CCDC137: variants seen among roughly 807,000 people sequenced by gnomAD.
The protein encoded by CCDC137 is coiled-coil domain-containing protein 137.
In CCDC137, 24 loss-of-function variants were observed where a neutral mutation model predicts 30.4. That is an observed-to-expected ratio of 0.79 (90% CI 0.57 to 1.11). CCDC137 has a LOEUF of 1.11. CCDC137 is among the 50% of genes least tolerant of loss of function. The pLI, the probability that CCDC137 is intolerant of heterozygous loss-of-function variation, is 0.00. For missense variants in CCDC137, 417 were observed against 380.4 expected (o/e 1.10, Z -0.80); for synonymous variants, 182 against 155.7 (o/e 1.17, Z -1.26).
chr17:81,672,446 C>T, intron 5 of CCDC137, 49 bp from the exon 6 acceptor site: 1 of 1,509,970 alleles, frequency 6.6e-7, no homozygotes, highest in Non-Finnish European at 8.9e-7. Flanking sequence ...CTTTCTGTTG[C>T]ATCCCCTCCT....
chr17:81,669,628 C>G (rs1330209901), intron 2 of CCDC137, among the ~76,000 whole-genome samples: 1 of 151,570 alleles, frequency 6.6e-6, no homozygotes, highest in Non-Finnish European at 1.5e-5. Context: ...GGCGCAATCT[C>G]GGCTCACTGC....
intron 2 of CCDC137, chr17:81,669,895 G>T (rs1320095079): frequency 1.4e-5 from 4 of 288,068 alleles, no homozygotes; most frequent in Non-Finnish European, 2.7e-5. Context: ...GCTCCACTGG[G>T]CTTCTTTCGG....
rs765569757 is a variant in CCDC137, at chr17:81,667,839, G to C, written c.245G>C (p.Ser82Thr). ...CGCCAAGAGATGAAAAACCCGATCA[G>C]TAACAAGAAGAGGAAGAAAGCAGGT... is the stretch of plus-strand genomic sequence containing the variant. ...RSRQEMKNPI[S>T]NKKRKKAAQV... Residue 82 changes from serine to threonine, a missense_variant, in exon 2 of 6, where the codon AGT (serine) becomes ACT (threonine). By Grantham distance (58) the Ser-to-Thr change is moderately conservative. Transcript: ENST00000329214. 2 of 1,611,936 alleles carry C rather than the reference G, an allele frequency of 1.2e-6. No homozygotes were observed. The highest frequency in any genetic ancestry group is 1.7e-6 in the Non-Finnish European group (2 of 1,179,972).
chr17:81,671,657 G>A (rs751731153), intron 3 of CCDC137, 87 bp from the exon 4 acceptor site: 1 of 1,341,014 alleles, frequency 7.5e-7, no homozygotes, highest in South Asian at 1.2e-5. Context: ...TGCCACAGGG[G>A]ATCCCTTGTG....
chr17:81,670,823 C>T (rs554761369), intron 3 of CCDC137, among the ~76,000 whole-genome samples: 103 of 152,252 alleles, frequency 6.8e-4, no homozygotes, highest in Non-Finnish European at 1.3e-3. Flanking sequence ...AGAGACTACA[C>T]CTTCCTAATT....
chr17:81,670,247 A>G lies in CCDC137; in HGVS notation c.291A>G (p.Thr97=). ...KKAAQVTFRK[T]LEKEAKGEEP... is the part of the protein sequence containing the mutation. The stretch of plus-strand genomic sequence containing the variant: ...CAGCCCAGGTGACCTTCAGAAAGAC[A>G]TTGGAGAAGGAAGCAAAGGGAGAGG... The change falls in exon 3 of 6, where the codon ACA becomes ACG. Residue 97 remains threonine, a synonymous_variant. Coordinates refer to ENST00000329214, the MANE Select transcript of CCDC137 (RefSeq NM_199287.3). The G allele has an allele frequency of 1.2e-6, 2 of 1,613,942 alleles. No individual in the cohort carries two copies. The highest frequency in any genetic ancestry group is 1.7e-6 in the Non-Finnish European group (2 of 1,179,994).
At chr17:81,670,047 G>C (rs1349944645) in intron 2 of CCDC137, 178 bp from the exon 3 acceptor site, 1 of 601,174 alleles carries the variant, frequency 1.7e-6, no homozygotes, top group South Asian at 2.0e-5. Flanking sequence ...GGGCTGGGGG[G>C]TCACGTCCCC....
chr17:81,667,966 A>T, intron 2 of CCDC137, 104 bp downstream of exon 2: 1 of 1,386,832 alleles, frequency 7.2e-7, no homozygotes, highest in Non-Finnish European at 9.7e-7. Flanking sequence ...ATATGCCAAG[A>T]CCCGGTGCTC....
chr17:81,669,813 G>A (rs1463570657), intron 2 of CCDC137, among the ~76,000 whole-genome samples: 2 of 149,130 alleles, frequency 1.3e-5, no homozygotes, highest in African/African-American at 4.9e-5. Context: ...TGCCCATCTT[G>A]GCCTCCCAAA....
rs778907421 is a variant in CCDC137, at chr17:81,672,613, A to G, written c.779A>G (p.Gln260Arg). The change falls in exon 6 of 6, where the codon CAG becomes CGG. Residue 260 changes from glutamine to arginine, a missense_variant. Physicochemically the swap from Gln to Arg is conservative, Grantham distance 43. Transcript: ENST00000329214. Reference protein sequence around the residue: ...IVEEERERAVQAYRALKQRQQ... With the variant: ...IVEEERERAVRAYRALKQRQQ... ...GAGGAGGAGAGAGAGCGGGCCGTGC[A>G]GGCCTACAGAGCGTTGAAGCAGCGG... is the stretch of plus-strand genomic sequence containing the variant. The G allele has an allele frequency of 7.5e-6, 12 of 1,593,920 alleles. No homozygotes were observed. The highest frequency in any genetic ancestry group is 3.5e-5 in the Admixed American group (2 of 56,574).
Position 81,666,890 on chromosome 17 carries a change from G to A in CCDC137, c.124G>A (p.Gly42Arg). 3.9e-6 allele frequency: 5 copies of A among 1,281,072 alleles called. No individual in the cohort carries two copies. Among genetic ancestry groups the A allele is most frequent in the Non-Finnish European group, 4.9e-6 (5 of 1,012,784 alleles). The allele number at this position is 1,281,072 out of a possible 1,614,324, so 79.4% of individuals were successfully genotyped here. A position where few individuals can be genotyped will look rare whatever the true frequency, so the allele number is the denominator to read the frequency against. ...GAAGCAGCGCCCAGCCCCGTGGCCC[G>A]GGCTTCGCAGGTGACTGCGCTGCCC... ...LGKQRPAPWPGLRSKEKKKVN... is the reference protein window; with the variant it reads ...LGKQRPAPWPRLRSKEKKKVN... Residue 42 changes from glycine to arginine, a missense_variant, in exon 1 of 6, where the codon GGG becomes AGG. Coordinates refer to ENST00000329214, the MANE Select transcript of CCDC137 (RefSeq NM_199287.3).
chr17:81,673,401 A>G lies in CCDC137; in HGVS notation c.*697A>G, dbSNP rs914117181. 3 of 152,160 alleles carry G rather than the reference A, an allele frequency of 2.0e-5. No individual in the cohort carries two copies. Among genetic ancestry groups the G allele is most frequent in the African/African-American group, 7.2e-5 (3 of 41,430 alleles). 9.4% of individuals were successfully genotyped at this position (152,160 alleles called of 1,614,324 possible). ...ATCTCTACTAAAAATACACGAAGAA[A>G]AAAAAAACAGTGGGAACAGAGTTGT... On this transcript the variant is annotated 3_prime_UTR_variant, in exon 6 of 6. Transcript: ENST00000329214.
Position 81,672,646 on chromosome 17 carries a change from A to T in CCDC137, c.812A>T (p.Gln271Leu). 6.2e-7 allele frequency: 1 copy of T among 1,601,556 alleles called. No individual in the cohort carries two copies. The highest frequency in any genetic ancestry group is 8.5e-7 in the Non-Finnish European group (1 of 1,175,138). Residue 271 changes from glutamine to leucine, a missense_variant, in exon 6 of 6, where the codon CAG becomes CTG. Transcript: ENST00000329214. ...AGAGCGTTGAAGCAGCGGCAGCAGC[A>T]GCTGCACGGGGAGCGACCCCACCTC... ...AYRALKQRQQQLHGERPHLTS... is the reference protein window; with the variant it reads ...AYRALKQRQQLLHGERPHLTS...
At position 81,673,618 on chromosome 17, in the gene CCDC137, T is replaced by C. The variant is rs1296343901; in HGVS notation, c.*914T>C. On this transcript the variant is annotated 3_prime_UTR_variant, in exon 6 of 6. Transcript: ENST00000329214. Reference sequence around the variant, plus strand: ...TGCCCAGGCTGTCAGCATTTCCAGATGAGAGCAGAAGGGAGAAGCTTAAAC... The same window carrying C: ...TGCCCAGGCTGTCAGCATTTCCAGACGAGAGCAGAAGGGAGAAGCTTAAAC... 6.6e-6 allele frequency: 1 copy of C among 152,194 alleles called. No individual in the cohort carries two copies. Among genetic ancestry groups the C allele is most frequent in the Non-Finnish European group, 1.5e-5 (1 of 68,072 alleles). 9.4% of individuals were successfully genotyped at this position (152,194 alleles called of 1,614,324 possible).
In CCDC137 at chr17:81,672,742, A is replaced by T. The variant is rs1263779896; in HGVS notation, c.*38A>T. Reference sequence around the variant, plus strand: ...CGGGGCCTGGCCACGCTCTGGGGCAACTGGCACCAGGAGCTGCTACACCTG... The same window carrying T: ...CGGGGCCTGGCCACGCTCTGGGGCATCTGGCACCAGGAGCTGCTACACCTG... On this transcript the variant is annotated 3_prime_UTR_variant, in exon 6 of 6. Coordinates refer to ENST00000329214, the MANE Select transcript of CCDC137 (RefSeq NM_199287.3). 3 of 1,508,056 alleles carry T rather than the reference A, an allele frequency of 2.0e-6. No homozygotes were observed. The highest frequency in any genetic ancestry group is 4.9e-5 in the East Asian group (2 of 40,810). The allele number at this position is 1,508,056 out of a possible 1,614,324, so 93.4% of individuals were successfully genotyped here. A position where few individuals can be genotyped will look rare whatever the true frequency, so the allele number is the denominator to read the frequency against.
Position 81,672,586 on chromosome 17 carries a change from TGGA to T in CCDC137, c.760_762del (p.Glu254del), listed in dbSNP as rs34191669. 5,858 of 1,584,250 alleles carry T rather than the reference TGGA, an allele frequency of 3.7e-3. 184 individuals are homozygous for T. The African/African-American group carries it at 0.067, about 18-fold the overall frequency. ...GCCTCCCTGGCCCGCCAGCGGATTG[TGGA>T]GGAGGAGAGAGAGCGGGCCGTGCAG... On this transcript the variant is annotated inframe_deletion, in exon 6 of 6. Transcript: ENST00000329214.
chr17:81,667,901 T>A (rs1360813067), intron 2 of CCDC137, 39 bp downstream of exon 2: 1 of 1,602,214 alleles, frequency 6.2e-7, no homozygotes, highest in Admixed American at 1.7e-5. Flanking sequence ...TGAAGCTTTG[T>A]GTGTCTCAAC....
rs3208093 is a variant in CCDC137 at position 81,673,761 on chromosome 17, A to G, written c.*1057A>G. On this transcript the variant is annotated 3_prime_UTR_variant, in exon 6 of 6. Coordinates refer to ENST00000329214, the MANE Select transcript of CCDC137 (RefSeq NM_199287.3). ...TGAGGAGCACCTCTGCCTGGCCGCC[A>G]CCCCGTCTGGCAAGTGAGGAGCGCC... 2 of 152,206 alleles carry G rather than the reference A, an allele frequency of 1.3e-5. No individual in the cohort carries two copies. Among genetic ancestry groups the G allele is most frequent in the Middle Eastern group, 3.4e-3 (1 of 296 alleles). The allele number at this position is 152,206 out of a possible 1,614,324, so 9.4% of individuals were successfully genotyped here.
At chr17:81,669,311 C>T (rs1000896416) in intron 2 of CCDC137, among the ~76,000 whole-genome samples, 2 of 150,234 alleles carry the variant, frequency 1.3e-5, no homozygotes, top group Admixed American at 1.3e-4. Flanking sequence ...ATGCCCGGCT[C>T]GTTTTTGTAT....
Sources: allele counts gnomAD v4.1 joint callset (sites outside exome capture counted in the v4.1 genomes callset), GRCh38; gene constraint gnomAD v4.1.1; transcripts MANE v1.5; gene names NCBI Gene and HGNC (gene_info 2026-07-23, HGNC 2026-07-21).